Variants in SETBP1 observed in about 807,000 individuals in gnomAD.
SETBP1 encodes the protein SET binding protein 1.
A neutral mutation model predicts 101.0 loss-of-function variants in SETBP1; 9 were observed. The ratio of observed to expected loss-of-function variants is 0.09; its 90% CI spans 0.05 to 0.16. The LOEUF is 0.16. Among genes scored for constraint, SETBP1 ranks in the 10% least tolerant of loss-of-function variants. The probability of loss-of-function intolerance (pLI) is 1.00; values close to 1 mark genes in which losing one functional copy is unlikely to be tolerated. For synonymous variants in SETBP1, 818 were observed against 788.5 expected, an observed-to-expected ratio of 1.04 and a Z score of -0.63; for missense variants, 1,858 against 2,033.8, an observed-to-expected ratio of 0.91 and a Z score of 1.66.
chr18:44,778,599 T>C (rs1403871327), intron 2 of SETBP1, among the ~76,000 whole-genome samples: 1 of 152,240 alleles, frequency 6.6e-6, no homozygotes, highest in East Asian at 1.9e-4. Flanking sequence ...TTTTCTTAAG[T>C]TGGCCAATTC....
intron 4 of SETBP1, among the ~76,000 whole-genome samples, chr18:44,998,443 C>A (rs527907780): frequency 6.6e-6 from 1 of 152,340 alleles, no homozygotes; most frequent in South Asian, 2.1e-4. Flanking sequence ...TTCACTTGCC[C>A]TGCACAGAAT....
intron 2 of SETBP1, among the ~76,000 whole-genome samples, chr18:44,816,707 A>G (rs561754750): frequency 1.3e-5 from 2 of 152,252 alleles, no homozygotes; most frequent in South Asian, 4.2e-4. Flanking sequence ...ACGAAATAGA[A>G]CACCGCAGTT....
chr18:44,840,956 C>G lies in SETBP1; in HGVS notation c.487-28274C>G, dbSNP rs146605435. ...GGTTGGAAACTTATGATTTGTTCAT[C>G]CTTAACATAAAAGTAAGGAAACTGA... On this transcript the variant is annotated intron_variant, in intron 2 of 5. Coordinates refer to ENST00000649279, the MANE Select transcript of SETBP1 (RefSeq NM_015559.3). Among the ~76,000 whole-genome samples the G allele has an allele frequency of 2.3e-3, 355 of 152,278 alleles. 3 individuals are homozygous for G. The highest frequency in any genetic ancestry group is 8.1e-3 in the African/African-American group (337 of 41,552).
At chr18:44,970,317 T>C (rs564786139) in intron 4 of SETBP1, among the ~76,000 whole-genome samples, 3 of 152,298 alleles carry the variant, frequency 2.0e-5, no homozygotes, top group African/African-American at 7.2e-5. Context: ...AAAATAGAGA[T>C]AATAGTAGTT....
At chr18:44,691,046 G>A (rs2068922868) in intron 1 of SETBP1, among the ~76,000 whole-genome samples, 1 of 152,068 alleles carries the variant, frequency 6.6e-6, no homozygotes. Context: ...CAATTCAGAT[G>A]GCACACTGGT....
At chr18:45,042,951 G>C (rs1213228828) in intron 5 of SETBP1, among the ~76,000 whole-genome samples, 1 of 152,138 alleles carries the variant, frequency 6.6e-6, no homozygotes, top group African/African-American at 2.4e-5. Flanking sequence ...CTGATTCAAG[G>C]GAGCATTGCA....
At chr18:44,754,831 C>A (rs188495704) in intron 2 of SETBP1, among the ~76,000 whole-genome samples, 2 of 152,316 alleles carry the variant, frequency 1.3e-5, no homozygotes, top group African/African-American at 4.8e-5. Flanking sequence ...ATTCTGTTTA[C>A]GCTTAAAATC....
intron 2 of SETBP1, among the ~76,000 whole-genome samples, chr18:44,779,928 ACG>A (rs1269122838): frequency 6.0e-5 from 9 of 151,202 alleles, no homozygotes; most frequent in Non-Finnish European, 1.2e-4. Flanking sequence ...ACACACACAC[ACG>A]CACGCACACA....
At chr18:44,937,411 C>T (rs932875203) in intron 3 of SETBP1, among the ~76,000 whole-genome samples, 3 of 147,458 alleles carry the variant, frequency 2.0e-5, no homozygotes, top group East Asian at 2.0e-4. Flanking sequence ...GCCGAGATCC[C>T]GCCACTGCAC....
chr18:44,972,675 T>G (rs1387262538), intron 4 of SETBP1, among the ~76,000 whole-genome samples: 2 of 152,190 alleles, frequency 1.3e-5, no homozygotes, highest in Non-Finnish European at 2.9e-5. Flanking sequence ...TGGCTCTCTG[T>G]TTGTCTGTTA....
chr18:44,889,655 C>T (rs1193479320), intron 3 of SETBP1, among the ~76,000 whole-genome samples: 1 of 152,114 alleles, frequency 6.6e-6, no homozygotes, highest in Non-Finnish European at 1.5e-5. Flanking sequence ...GAAGTCTTAA[C>T]AGATAGTTAA....
At chr18:44,706,623 A>AAAAAAAAAAAAC (rs2069225105) in intron 2 of SETBP1, among the ~76,000 whole-genome samples, 1 of 150,166 alleles carries the variant, frequency 6.7e-6, no homozygotes, top group African/African-American at 2.5e-5. Flanking sequence ...AAAAAAAAAA[A>AAAAAAAAAAAAC]AAATTCCAGT....
intron 1 of SETBP1, among the ~76,000 whole-genome samples, chr18:44,697,752 T>C (rs2144170640): frequency 6.6e-6 from 1 of 152,338 alleles, no homozygotes; most frequent in East Asian, 1.9e-4. Flanking sequence ...GGGTGCAATG[T>C]CAGTCCGGCC....
chr18:44,683,509 T>C (rs757160243), intron 1 of SETBP1, among the ~76,000 whole-genome samples: 1 of 152,220 alleles, frequency 6.6e-6, no homozygotes, highest in Non-Finnish European at 1.5e-5. Context: ...TGAATTCCTC[T>C]AGGGGATGAA....
At chr18:45,008,613 C>A (rs947518523) in intron 4 of SETBP1, among the ~76,000 whole-genome samples, 6 of 152,182 alleles carry the variant, frequency 3.9e-5, no homozygotes, top group Non-Finnish European at 7.3e-5. Context: ...TGACCTCAGG[C>A]AAAATAGTTC....
intron 3 of SETBP1, among the ~76,000 whole-genome samples, chr18:44,939,789 A>T (rs749256469): frequency 6.6e-6 from 1 of 152,164 alleles, no homozygotes; most frequent in Non-Finnish European, 1.5e-5. Context: ...TTTAATTGAC[A>T]TTTCTTTGAT....
At chr18:45,057,614 A>G (rs1160606188) in intron 5 of SETBP1, among the ~76,000 whole-genome samples, 3 of 152,168 alleles carry the variant, frequency 2.0e-5, no homozygotes, top group Non-Finnish European at 4.4e-5. Context: ...ATTGAAGCAC[A>G]AGATATTCCA....
intron 4 of SETBP1, among the ~76,000 whole-genome samples, chr18:44,960,809 AC>A (rs2071595824): frequency 6.6e-6 from 1 of 152,144 alleles, no homozygotes; most frequent in South Asian, 2.1e-4. Flanking sequence ...GGTTGTACCC[AC>A]CTGCCCTTCC....
chr18:44,809,145 A>G (rs1457403793), intron 2 of SETBP1, among the ~76,000 whole-genome samples: 6 of 152,224 alleles, frequency 3.9e-5, no homozygotes, highest in African/African-American at 1.4e-4. Flanking sequence ...AAAGAGGAAT[A>G]TGTGAGAAAT....
Sources: allele counts gnomAD v4.1 joint callset (sites outside exome capture counted in the v4.1 genomes callset), GRCh38; gene constraint gnomAD v4.1.1; transcripts MANE v1.5; gene names NCBI Gene and HGNC (gene_info 2026-07-23, HGNC 2026-07-21).